Variants in RFX6 observed in about 807,000 individuals in gnomAD.
RFX6 encodes the protein regulatory factor X6.
Under a neutral mutation model 110.8 loss-of-function variants are expected in RFX6, and 50 were observed. The observed-to-expected ratio is 0.45, with a 90% CI of 0.36 to 0.57. RFX6 has a LOEUF of 0.57. RFX6 is among the 20% of genes least tolerant of loss of function. RFX6 has a pLI of 0.00. For synonymous variants in RFX6, 383 were observed against 411.2 expected (o/e 0.93, Z 0.83); for missense variants, 990 against 1,127.0 (o/e 0.88, Z 1.74).
chr6:116,901,925 A>G (rs377473153), intron 6 of RFX6, among the ~76,000 whole-genome samples: 4 of 152,140 alleles, frequency 2.6e-5, no homozygotes, highest in African/African-American at 9.6e-5. Context: ...AGAATACTCG[A>G]AAATAATCAA....
intron 6 of RFX6, among the ~76,000 whole-genome samples, chr6:116,907,906 G>A (rs1269030767): frequency 1.3e-5 from 2 of 152,028 alleles, no homozygotes; most frequent in East Asian, 1.9e-4. Flanking sequence ...TTGATTATCT[G>A]TTATTATCTG....
At position 116,928,951 on chromosome 6, in the gene RFX6, C is replaced by T; in HGVS notation, c.2591C>T (p.Ala864Val). Residue 864 changes from alanine (A) to valine (V), a missense_variant, in exon 18 of 19, where the codon GCA becomes GTA. This residue lies in a region of RFX6 where 438 missense variants were observed against 441.9 expected (regional missense o/e 0.99). Coordinates refer to ENST00000332958, the MANE Select transcript of RFX6 (RefSeq NM_173560.4). Reference protein sequence around the residue: ...SFYTDTSSPVACRTPVLASSL... With the variant: ...SFYTDTSSPVVCRTPVLASSL... Reference sequence around the variant, plus strand: ...TACACAGACACATCATCTCCAGTTGCATGTCGAACTCCAGTCCTAGGTAAA... The same window carrying T: ...TACACAGACACATCATCTCCAGTTGTATGTCGAACTCCAGTCCTAGGTAAA... 6.2e-7 allele frequency: 1 copy of T among 1,608,746 alleles called. No individual in the cohort carries two copies. The highest frequency in any genetic ancestry group is 8.5e-7 in the Non-Finnish European group (1 of 1,175,076).
At chr6:116,908,129 A>G (rs1036164745) in intron 6 of RFX6, among the ~76,000 whole-genome samples, 1 of 152,066 alleles carries the variant, frequency 6.6e-6, no homozygotes, top group African/African-American at 2.4e-5. Context: ...ATTACCATTA[A>G]TCAACTCCTC....
At chr6:116,919,048 C>T (rs529682425) in intron 10 of RFX6, 89 bp from the exon 11 acceptor site, 1 of 1,203,526 alleles carries the variant, frequency 8.3e-7, no homozygotes, top group South Asian at 1.2e-5. Flanking sequence ...GCTTATGAAA[C>T]CATAGAATAA....
chr6:116,877,293 G>T lies in RFX6; in HGVS notation c.18G>T (p.Glu6Asp). 6 of 1,611,606 alleles carry T rather than the reference G, an allele frequency of 3.7e-6. No individual in the cohort carries two copies. The highest frequency in any genetic ancestry group is 4.2e-6 in the Non-Finnish European group (5 of 1,179,202). The change falls in exon 1 of 19, where the codon GAG becomes GAT. Residue 6 changes from glutamate (E) to aspartate (D), a missense_variant. Transcript: ENST00000332958. MAKVP[E>D]LEDTFLQAQP... ...CCAGGAGGATGGCCAAGGTCCCGGA[G>T]CTGGAAGACACCTTCCTGCAGGCGC...
At chr6:116,911,068 T>C in intron 7 of RFX6, 26 bp downstream of exon 7, 1 of 1,436,346 alleles carries the variant, frequency 7.0e-7, no homozygotes, top group South Asian at 1.1e-5. Context: ...ACTTCTCTAT[T>C]GATTTTCTGA....
intron 6 of RFX6, among the ~76,000 whole-genome samples, chr6:116,909,561 A>T (rs1582526157): frequency 6.6e-6 from 1 of 151,652 alleles, no homozygotes; most frequent in South Asian, 2.1e-4. Flanking sequence ...AGATTAATAA[A>T]TAGAGTGGAT....
At chr6:116,889,187 A>C (rs192849601) in intron 4 of RFX6, among the ~76,000 whole-genome samples, 1 of 152,270 alleles carries the variant, frequency 6.6e-6, no homozygotes, top group East Asian at 1.9e-4. Flanking sequence ...ACTTTTGTTC[A>C]ATCTCAGTGT....
chr6:116,887,977 C>T (rs746322704), intron 4 of RFX6, among the ~76,000 whole-genome samples: 68 of 152,136 alleles, frequency 4.5e-4, no homozygotes, highest in Non-Finnish European at 9.4e-4. Context: ...CTTTGATCAG[C>T]CAAATCTTGG....
At chr6:116,886,639 C>T (rs1045531167) in intron 4 of RFX6, among the ~76,000 whole-genome samples, 1 of 152,138 alleles carries the variant, frequency 6.6e-6, no homozygotes, top group Admixed American at 6.6e-5. Flanking sequence ...TCACAGCTCT[C>T]ACATTTGTGC....
At chr6:116,879,169 T>A (rs1002337049) in intron 2 of RFX6, among the ~76,000 whole-genome samples, 2 of 151,914 alleles carry the variant, frequency 1.3e-5, no homozygotes, top group Non-Finnish European at 2.9e-5. Context: ...TATGAATAAA[T>A]GTATACATAA....
Position 116,927,743 on chromosome 6 carries a change from C to CTTTTTTTTTTT in RFX6, c.2398+213_2398+223dup, listed in dbSNP as rs60638457. 1.6e-4 allele frequency among the ~76,000 whole-genome samples: 19 copies of CTTTTTTTTTTT among 119,510 alleles called. 1 individual carries two copies. The highest frequency in any genetic ancestry group is 5.8e-4 in the African/African-American group (18 of 31,040). The allele number at this position is 119,510 out of a possible 152,430, so 78.4% of individuals were successfully genotyped here. ...GGCTTTCCTAAAGTTGCCCTTCTTCCTTTTTTTTTTTTTTTTTTTGAGACA... is the reference window on the plus strand; with the variant it reads ...GGCTTTCCTAAAGTTGCCCTTCTTCCTTTTTTTTTTTTTTTTTTTTTTTTTTTTTTGAGACA... On this transcript the variant is annotated intron_variant, in intron 17 of 18. Transcript: ENST00000332958.
chr6:116,909,873 T>A (rs1438049311), intron 6 of RFX6, among the ~76,000 whole-genome samples: 2 of 145,848 alleles, frequency 1.4e-5, no homozygotes, highest in Non-Finnish European at 3.0e-5. Flanking sequence ...CAACAAGAAA[T>A]CAGGGCTTCT....
At position 116,927,266 on chromosome 6, in the gene RFX6, G is replaced by A. The variant is rs1582539016; in HGVS notation, c.2125G>A (p.Ala709Thr). The A allele has an allele frequency of 1.2e-6, 2 of 1,614,164 alleles. No homozygotes were observed. The highest frequency in any genetic ancestry group is 1.7e-6 in the Non-Finnish European group (2 of 1,180,036). ...CTCTAACTACCAGACTGTGTTTAGGGCACAGCCCCACTCCACATCAGGACT... is the reference window on the plus strand; with the variant it reads ...CTCTAACTACCAGACTGTGTTTAGGACACAGCCCCACTCCACATCAGGACT... ...TSSNYQTVFR[A>T]QPHSTSGLYP... The change falls in exon 17 of 19, where the codon GCA (alanine) becomes ACA (threonine). Residue 709 changes from alanine to threonine, a missense_variant. Transcript: ENST00000332958.
At chr6:116,911,122 T>G in intron 7 of RFX6, 80 bp downstream of exon 7, 1 of 977,294 alleles carries the variant, frequency 1.0e-6, no homozygotes, top group Non-Finnish European at 1.6e-6. Context: ...TTCATGGTAC[T>G]GCAGGAAGCA....
rs1366626563 is a variant in RFX6 at position 116,915,925 on chromosome 6, T to TA, written c.781-77dup. On this transcript the variant is annotated intron_variant, in intron 7 of 18. Coordinates refer to ENST00000332958, the MANE Select transcript of RFX6 (RefSeq NM_173560.4). ...CTGCTTGGTACGTAATAGGATCTTT[T>TA]AAAAAATCTGTGTTGAACAAATTAA... is the stretch of plus-strand genomic sequence containing the variant. 4.0e-5 allele frequency: 40 copies of TA among 1,002,836 alleles called. 1 individual carries two copies. The highest frequency in any genetic ancestry group is 3.5e-4 in the African/African-American group (22 of 63,058). 62.1% of individuals were successfully genotyped at this position (1,002,836 alleles called of 1,614,324 possible). A position where few individuals can be genotyped will look rare whatever the true frequency, so the allele number is the denominator to read the frequency against.
At chr6:116,901,590 TG>T (rs916245560) in intron 6 of RFX6, among the ~76,000 whole-genome samples, 2 of 152,216 alleles carry the variant, frequency 1.3e-5, no homozygotes, top group Admixed American at 6.5e-5. Context: ...GTTGGCATTC[TG>T]GTTGACCAGT....
chr6:116,896,220 G>A (rs1483009909), intron 6 of RFX6, among the ~76,000 whole-genome samples: 1 of 152,158 alleles, frequency 6.6e-6, no homozygotes, highest in Non-Finnish European at 1.5e-5. Context: ...GCCCTCTGCC[G>A]ATAAATGGCA....
At chr6:116,905,997 T>C (rs911211242) in intron 6 of RFX6, among the ~76,000 whole-genome samples, 1 of 152,294 alleles carries the variant, frequency 6.6e-6, no homozygotes, top group Admixed American at 6.5e-5. Flanking sequence ...TACATTTAGA[T>C]ATTTGATTCA....
Sources: gnomAD v4.1 joint callset for allele counts (sites outside exome capture counted in the v4.1 genomes callset) on GRCh38, gnomAD v4.1.1 for gene constraint, gnomAD v4.1.1 regional missense constraint, MANE v1.5 for transcripts, NCBI Gene and HGNC (gene_info 2026-07-23, HGNC 2026-07-21) for gene names.